Variants in EML6 observed in about 807,000 individuals in gnomAD.
EML6 encodes the protein EMAP like 6.
Under a neutral mutation model 240.1 loss-of-function variants are expected in EML6, and 154 were observed. The observed-to-expected ratio is 0.64, with a 90% CI of 0.56 to 0.73. The LOEUF (loss-of-function observed/expected upper bound fraction) is 0.73. Ranked by LOEUF, EML6 falls within the 30% of genes least tolerant of loss-of-function variation. The pLI is 0.00. For missense variants in EML6, 2,964 were observed against 2,474.6 expected (o/e 1.20, Z -4.20); for synonymous variants, 1,148 against 899.0 (o/e 1.28, Z -4.95).
In EML6 at chr2:54,774,412, T is replaced by A. The variant is rs909499106; in HGVS notation, c.198-38820T>A. ...AGGGTGACTGTGGGTGAGGGAGCCG[T>A]TGGAAGTTGAGGTGATCCCTGAAGA... On this transcript the variant is annotated intron_variant, in intron 2 of 41. Transcript: ENST00000356458. The surrounding 1 kb of genome is among the most constrained non-coding windows in gnomAD (Gnocchi z 4.1). 2.0e-5 allele frequency among the ~76,000 whole-genome samples: 3 copies of A among 152,052 alleles called. No individual in the cohort carries two copies. The highest frequency in any genetic ancestry group is 7.2e-5 in the African/African-American group (3 of 41,400).
intron 7 of EML6, among the ~76,000 whole-genome samples, chr2:54,830,288 C>G (rs1185350702): frequency 2.6e-5 from 4 of 152,108 alleles, no homozygotes; most frequent in African/African-American, 9.7e-5. Context: ...ACGCTAAGCA[C>G]AGGTTGGGAG....
chr2:54,935,649 G>A (rs1316749039), intron 28 of EML6, among the ~76,000 whole-genome samples: 1 of 152,228 alleles, frequency 6.6e-6, no homozygotes, highest in Non-Finnish European at 1.5e-5. Flanking sequence ...TCATGCTGAG[G>A]TTTGTTACTT....
intron 26 of EML6, among the ~76,000 whole-genome samples, chr2:54,919,171 T>C (rs1158680266): frequency 6.6e-6 from 1 of 151,782 alleles, no homozygotes; most frequent in Non-Finnish European, 1.5e-5. Context: ...ACAGAGGAAA[T>C]GAGAAATTGA....
At chr2:54,892,081 C>T (rs1198718225) in intron 18 of EML6, among the ~76,000 whole-genome samples, 1 of 152,320 alleles carries the variant, frequency 6.6e-6, no homozygotes, top group South Asian at 2.1e-4. Flanking sequence ...GGCACTTAGT[C>T]ACTCTTTCTC....
intron 8 of EML6, among the ~76,000 whole-genome samples, chr2:54,847,082 AT>A (rs780889986): frequency 2.0e-5 from 3 of 150,858 alleles, no homozygotes; most frequent in Non-Finnish European, 4.4e-5. Flanking sequence ...TAATTTTTGT[AT>A]TTTTTGTAGA....
intron 26 of EML6, among the ~76,000 whole-genome samples, chr2:54,919,630 G>C (rs1298335351): frequency 2.0e-5 from 3 of 152,166 alleles, no homozygotes; most frequent in African/African-American, 7.2e-5. Flanking sequence ...TGCTATTTCT[G>C]TGTGTAAATG....
intron 2 of EML6, among the ~76,000 whole-genome samples, chr2:54,792,889 C>T (rs187878360): frequency 7.9e-5 from 12 of 152,230 alleles, no homozygotes; most frequent in Non-Finnish European, 1.5e-4. Flanking sequence ...TTCTGTCAGA[C>T]AACAGAGGAG....
chr2:54,731,317 T>C (rs554865802), intron 2 of EML6, among the ~76,000 whole-genome samples: 1 of 152,198 alleles, frequency 6.6e-6, no homozygotes, highest in Non-Finnish European at 1.5e-5. Context: ...TTGTTGTGGA[T>C]ACTTGTTCTT....
intron 7 of EML6, among the ~76,000 whole-genome samples, chr2:54,836,476 G>C (rs1159921465): frequency 6.6e-6 from 1 of 152,182 alleles, no homozygotes; most frequent in Non-Finnish European, 1.5e-5. Context: ...CTCAGGCAGG[G>C]AGCCTTTGTG....
rs1676566194 is a variant in EML6 at position 54,962,517 on chromosome 2, C to T, written c.4969-6C>T. 6.5e-7 allele frequency: 1 copy of T among 1,538,166 alleles called. No homozygotes were observed. The highest frequency in any genetic ancestry group is 1.4e-5 in the African/African-American group (1 of 72,804). On this transcript the variant is annotated splice_region_variant and splice_polypyrimidine_tract_variant and intron_variant, in intron 35 of 41. Transcript: ENST00000356458. ...CCTTTTTCTAATAGTGTTTCAATTA[C>T]AACAGGGAAAAATCTTAGTGGGAAC... is the stretch of plus-strand genomic sequence containing the variant.
intron 2 of EML6, among the ~76,000 whole-genome samples, chr2:54,750,005 A>C (rs187122): frequency 6.6e-6 from 1 of 152,056 alleles, no homozygotes; most frequent in African/African-American, 2.4e-5. Context: ...GTCCAGATCA[A>C]TTTTTTTCCT....
In EML6 at chr2:54,725,294, C is replaced by T. The variant is rs764982660; in HGVS notation, c.197+36C>T. 18 of 1,366,190 alleles carry T rather than the reference C, an allele frequency of 1.3e-5. No individual in the cohort carries two copies. Among genetic ancestry groups the T allele is most frequent in the Non-Finnish European group, 1.4e-5 (15 of 1,041,000 alleles). 84.6% of individuals were successfully genotyped at this position (1,366,190 alleles called of 1,614,324 possible). On this transcript the variant is annotated intron_variant, in intron 2 of 41. Transcript: ENST00000356458. The surrounding 1 kb of genome is among the most constrained non-coding windows in gnomAD (Gnocchi z 4.3). ...GGCCAGGGGCGGCGGGGAGGGGTTG[C>T]GTGTGGAGGCTGGGAAGGTGGGAAG...
chr2:54,875,298 A>G (rs908166769), intron 16 of EML6, among the ~76,000 whole-genome samples: 2 of 152,240 alleles, frequency 1.3e-5, no homozygotes, highest in African/African-American at 4.8e-5. Flanking sequence ...ACTGATAGAA[A>G]AGTGAGTAGC....
intron 9 of EML6, among the ~76,000 whole-genome samples, chr2:54,849,476 T>A (rs1669952758): frequency 6.6e-6 from 1 of 152,214 alleles, no homozygotes. Flanking sequence ...ATTTAAACAG[T>A]TTGTTATTCT....
intron 15 of EML6, among the ~76,000 whole-genome samples, chr2:54,870,634 A>G (rs907927457): frequency 6.6e-6 from 1 of 152,096 alleles, no homozygotes; most frequent in African/African-American, 2.4e-5. Context: ...TTATAAACAG[A>G]TGGTGCTTGA....
intron 16 of EML6, among the ~76,000 whole-genome samples, chr2:54,876,338 C>T (rs1022450064): frequency 1.3e-5 from 2 of 151,100 alleles, no homozygotes; most frequent in African/African-American, 4.9e-5. Flanking sequence ...AAGTCACCAT[C>T]CCAAAAAAGA....
chr2:54,904,123 G>T (rs986362424), intron 24 of EML6, among the ~76,000 whole-genome samples: 6 of 152,174 alleles, frequency 3.9e-5, no homozygotes, highest in African/African-American at 1.4e-4. Flanking sequence ...CATGGTTTCT[G>T]CTCCCTGTGG....
intron 35 of EML6, among the ~76,000 whole-genome samples, chr2:54,961,190 T>TTTTTTTTTG (rs1676490868): frequency 9.1e-6 from 1 of 109,314 alleles, no homozygotes; most frequent in Non-Finnish European, 1.9e-5. Flanking sequence ...AGTAGTTTTT[T>TTTTTTTTTG]TTTTTTTTTT....
At chr2:54,910,401 G>A (rs1337379055) in intron 24 of EML6, among the ~76,000 whole-genome samples, 1 of 152,218 alleles carries the variant, frequency 6.6e-6, no homozygotes, top group African/African-American at 2.4e-5. Flanking sequence ...TTTCCTTGGG[G>A]AAAGTCCTGG....
Sources: allele counts gnomAD v4.1 joint callset (sites outside exome capture counted in the v4.1 genomes callset), GRCh38; gene constraint gnomAD v4.1.1; non-coding constraint Gnocchi (gnomAD v3.1); transcripts MANE v1.5; gene names NCBI Gene and HGNC (gene_info 2026-07-23, HGNC 2026-07-21).